The following DSCAML1 variants were observed in gnomAD, a reference collection of about 807,000 sequenced individuals.
DSCAML1 encodes the protein DS cell adhesion molecule like 1, also known as cell adhesion molecule DSCAML1.
In DSCAML1, 38 loss-of-function variants were observed where a neutral mutation model predicts 200.5. The ratio of observed to expected loss-of-function variants is 0.19; its 90% CI spans 0.15 to 0.25. DSCAML1 has a LOEUF of 0.25. DSCAML1 is among the 10% of genes least tolerant of loss of function. The probability of loss-of-function intolerance (pLI) is 1.00; values close to 1 mark genes in which losing one functional copy is unlikely to be tolerated. For synonymous variants in DSCAML1, 1,215 were observed against 1,165.0 expected (o/e 1.04, Z -0.87); for missense variants, 2,223 against 2,858.8 (o/e 0.78, Z 5.07).
At chr11:117,738,178 A>G (rs141997051) in intron 3 of DSCAML1, among the ~76,000 whole-genome samples, 1 of 152,294 alleles carries the variant, frequency 6.6e-6, no homozygotes, top group African/African-American at 2.4e-5. Flanking sequence ...GGACAGTTTC[A>G]AATGGCACCA....
chr11:117,555,611 G>A (rs2050546098), intron 3 of DSCAML1, among the ~76,000 whole-genome samples: 1 of 152,164 alleles, frequency 6.6e-6, no homozygotes, highest in South Asian at 2.1e-4. Context: ...AGGTGTTAAG[G>A]CAGGAAAGGG....
chr11:117,609,310 TC>T (rs1375236381), intron 3 of DSCAML1, among the ~76,000 whole-genome samples: 2,272 of 143,838 alleles, frequency 0.016, 49 homozygotes, highest in African/African-American at 0.055. Flanking sequence ...TTTCTTTCTT[TC>T]TTTTTTTTTT....
chr11:117,627,854 T>C (rs1247513984), intron 3 of DSCAML1, among the ~76,000 whole-genome samples: 5 of 152,158 alleles, frequency 3.3e-5, no homozygotes, highest in African/African-American at 1.2e-4. Context: ...AGGCTCCTCA[T>C]GTTCCCCTCA....
intron 3 of DSCAML1, among the ~76,000 whole-genome samples, chr11:117,536,544 G>C (rs1300014267): frequency 6.6e-6 from 1 of 152,236 alleles, no homozygotes. Context: ...ATTTGGGGTT[G>C]ACAGCATAAT....
At chr11:117,770,808 C>T (rs1009864000) in intron 3 of DSCAML1, among the ~76,000 whole-genome samples, 3 of 152,080 alleles carry the variant, frequency 2.0e-5, no homozygotes, top group Non-Finnish European at 4.4e-5. Flanking sequence ...TAGCAGAAAT[C>T]GAGGAAAGAC....
chr11:117,794,462 G>T (rs1174384821), intron 1 of DSCAML1, among the ~76,000 whole-genome samples: 1 of 152,056 alleles, frequency 6.6e-6, no homozygotes, highest in Admixed American at 6.5e-5. Context: ...AAGGTATTTT[G>T]AGAGGAATGG....
chr11:117,712,605 G>A (rs1462886040), intron 3 of DSCAML1, among the ~76,000 whole-genome samples: 2 of 152,068 alleles, frequency 1.3e-5, no homozygotes, highest in African/African-American at 4.8e-5. Context: ...TATTTTGTTA[G>A]TTTCTTTTTT....
At chr11:117,525,988 T>C (rs567892453) in intron 4 of DSCAML1, among the ~76,000 whole-genome samples, 4 of 152,146 alleles carry the variant, frequency 2.6e-5, no homozygotes, top group Non-Finnish European at 5.9e-5. Flanking sequence ...GTGACAATCC[T>C]CTATTTCGCA....
chr11:117,529,312 A>T (rs2050032968), intron 4 of DSCAML1, among the ~76,000 whole-genome samples: 1 of 152,146 alleles, frequency 6.6e-6, no homozygotes, highest in East Asian at 1.9e-4. Context: ...TCCTGTCCTC[A>T]AGTGAGCCAC....
At chr11:117,506,532 A>G (rs1358177139) in intron 8 of DSCAML1, among the ~76,000 whole-genome samples, 1 of 151,002 alleles carries the variant, frequency 6.6e-6, no homozygotes, top group East Asian at 1.9e-4. Flanking sequence ...TGCCCAGACA[A>G]GAGACAAGAG....
At chr11:117,593,988 CAG>C (rs2051313966) in intron 3 of DSCAML1, among the ~76,000 whole-genome samples, 1 of 152,190 alleles carries the variant, frequency 6.6e-6, no homozygotes, top group Admixed American at 6.5e-5. Context: ...GCTGGGATTA[CAG>C]GTGTGAGCCA....
At chr11:117,775,011 C>T (rs1312524556) in intron 3 of DSCAML1, among the ~76,000 whole-genome samples, 2 of 152,126 alleles carry the variant, frequency 1.3e-5, no homozygotes, top group African/African-American at 2.4e-5. Context: ...GGATGTAATG[C>T]TTAGTCTATA....
chr11:117,618,387 T>C (rs933178762), intron 3 of DSCAML1, among the ~76,000 whole-genome samples: 7 of 152,234 alleles, frequency 4.6e-5, no homozygotes, highest in African/African-American at 1.7e-4. Flanking sequence ...AACTTCCACC[T>C]GCTGGTTCTA....
intron 14 of DSCAML1, among the ~76,000 whole-genome samples, chr11:117,477,716 C>G (rs1394051490): frequency 6.6e-6 from 1 of 152,202 alleles, no homozygotes; most frequent in East Asian, 1.9e-4. Context: ...TAGGCATCAC[C>G]ACCCCTACTT....
chr11:117,680,287 CT>C (rs1371432956), intron 3 of DSCAML1, among the ~76,000 whole-genome samples: 1 of 152,210 alleles, frequency 6.6e-6, no homozygotes, highest in Non-Finnish European at 1.5e-5. Context: ...GAACCCATGC[CT>C]TCCAGCCCCC....
chr11:117,516,794 G>A lies in DSCAML1; in HGVS notation c.1511-55C>T. 6.4e-7 allele frequency: 1 copy of A among 1,559,880 alleles called. No individual in the cohort carries two copies. The highest frequency in any genetic ancestry group is 8.7e-7 in the Non-Finnish European group (1 of 1,153,136). ...AGGAGAAGGGCATGTGCTGCTGTCA[G>A]CCAGGGACAGCCAGGCACCACCCTG... On this transcript the variant is annotated intron_variant, in intron 7 of 32. Transcript: ENST00000651296. The surrounding 1 kb of genome is among the most constrained non-coding windows in gnomAD (Gnocchi z 5.7).
At chr11:117,565,841 G>T (rs767011938) in intron 3 of DSCAML1, among the ~76,000 whole-genome samples, 2 of 152,356 alleles carry the variant, frequency 1.3e-5, no homozygotes, top group South Asian at 2.1e-4. Context: ...TGAGTAGGGG[G>T]TGTGACCAGA....
At chr11:117,460,132 G>A (rs1243459459) in intron 18 of DSCAML1, among the ~76,000 whole-genome samples, 7 of 152,242 alleles carry the variant, frequency 4.6e-5, no homozygotes, top group East Asian at 3.8e-4. Flanking sequence ...CGCAGGCTTC[G>A]AAAAGAGGAA....
At chr11:117,782,983 T>G (rs2134058134) in intron 1 of DSCAML1, among the ~76,000 whole-genome samples, 1 of 152,226 alleles carries the variant, frequency 6.6e-6, no homozygotes, top group South Asian at 2.1e-4. Context: ...TTAACCATTC[T>G]GTGATGTATG....
Sources: gnomAD v4.1 joint callset for allele counts (sites outside exome capture counted in the v4.1 genomes callset) on GRCh38, gnomAD v4.1.1 for gene constraint, Gnocchi (gnomAD v3.1) non-coding constraint, MANE v1.5 for transcripts, NCBI Gene and HGNC (gene_info 2026-07-23, HGNC 2026-07-21) for gene names.